The following TCF7L1 variants were observed in gnomAD, a reference collection of about 807,000 sequenced individuals.
TCF7L1 encodes transcription factor 7 like 1, also known as transcription factor 7-like 1.
A neutral mutation model predicts 63.7 loss-of-function variants in TCF7L1; 18 were observed. That is an observed-to-expected ratio of 0.28 (90% confidence interval 0.20 to 0.42). The LOEUF is 0.42. TCF7L1 is among the 10% of genes least tolerant of loss of function. The pLI is 1.00. For synonymous variants in TCF7L1, 355 were observed against 340.9 expected (o/e 1.04, Z -0.46); for missense variants, 654 against 779.3 (o/e 0.84, Z 1.91).
intron 3 of TCF7L1, among the ~76,000 whole-genome samples, chr2:85,270,540 G>C (rs1393476548): frequency 1.3e-5 from 2 of 152,192 alleles, no homozygotes; most frequent in African/African-American, 4.8e-5. Flanking sequence ...GTTAGTAGCT[G>C]CCTCAGTGTT....
intron 3 of TCF7L1, among the ~76,000 whole-genome samples, chr2:85,255,428 T>C (rs1157180230): frequency 1.3e-5 from 2 of 152,096 alleles, no homozygotes; most frequent in Non-Finnish European, 2.9e-5. Context: ...CACAAGGGAA[T>C]AGGAAAATGG....
At position 85,148,889 on chromosome 2, in the gene TCF7L1, C is replaced by T. The variant is rs779665441; in HGVS notation, c.441+14439C>T. Among the ~76,000 whole-genome samples the T allele has an allele frequency of 6.6e-5, 10 of 151,622 alleles. 1 individual carries two copies. The highest frequency in any genetic ancestry group is 5.3e-4 in the Admixed American group (8 of 15,232). On this transcript the variant is annotated intron_variant, in intron 3 of 11. Transcript: ENST00000282111. ...CCCCAGGTTCAAGCGATTCTCTCTC[C>T]TGCCTCAGCCTCCTGAGTAGATGGA... is the stretch of plus-strand genomic sequence containing the variant.
intron 3 of TCF7L1, among the ~76,000 whole-genome samples, chr2:85,261,123 G>GGGGTGTGTGTGTGTGT (rs1194613521): frequency 9.4e-6 from 1 of 106,698 alleles, no homozygotes; most frequent in Non-Finnish European, 2.2e-5. Flanking sequence ...AATTATTGCT[G>GGGGTGTGTGTGTGTGT]GTGTGTGTGT....
chr2:85,146,395 A>G (rs1488878934), intron 3 of TCF7L1, among the ~76,000 whole-genome samples: 1 of 152,082 alleles, frequency 6.6e-6, no homozygotes, highest in Non-Finnish European at 1.5e-5. Flanking sequence ...TGAAAATGCC[A>G]TTTGGGGCAA....
Position 85,309,160 on chromosome 2 carries a change from C to A in TCF7L1, c.1465C>A (p.Pro489Thr). ...CACTCCCTCTGCAGCTTTGGCCTCA[C>A]CAGCTGCCCCTGCTGCCACCCATTC... Reference protein sequence around the residue: ...PATPSAALASPAAPAATHSEQ... With the variant: ...PATPSAALASTAAPAATHSEQ... The change falls in exon 12 of 12, where the codon CCA becomes ACA. Residue 489 changes from proline to threonine, a missense_variant. Pro to Thr is a conservative substitution (Grantham distance 38). Around this residue, in one of 3 missense-constraint regions of TCF7L1, gnomAD observed 184 missense variants for 204.0 expected, o/e 0.90. Coordinates refer to ENST00000282111, the MANE Select transcript of TCF7L1 (RefSeq NM_031283.3). 1.9e-6 allele frequency: 3 copies of A among 1,614,100 alleles called. No homozygotes were observed. The highest frequency in any genetic ancestry group is 2.5e-6 in the Non-Finnish European group (3 of 1,180,018).
In TCF7L1 at chr2:85,134,393, G is replaced by A; in HGVS notation, c.384G>A (p.Pro128=). The A allele has an allele frequency of 6.4e-7, 1 of 1,571,990 alleles. No individual in the cohort carries two copies. The highest frequency in any genetic ancestry group is 1.4e-5 in the African/African-American group (1 of 73,896). The change falls in exon 3 of 12, where the codon CCG becomes CCA. Residue 128 remains proline, a synonymous_variant. Transcript: ENST00000282111. The surrounding 1 kb of genome is among the most constrained non-coding windows in gnomAD (Gnocchi z 5.0). ...PYPGYPFLMI[P]DLSSPYLSNG... ...CTGGGTACCCCTTCCTGATGATCCCGGACCTGAGCAGCCCGTACCTCTCCA... is the reference window on the plus strand; with the variant it reads ...CTGGGTACCCCTTCCTGATGATCCCAGACCTGAGCAGCCCGTACCTCTCCA...
intron 3 of TCF7L1, among the ~76,000 whole-genome samples, chr2:85,170,266 A>G (rs561656837): frequency 6.6e-6 from 1 of 152,112 alleles, no homozygotes; most frequent in Non-Finnish European, 1.5e-5. Context: ...GGTGGATTTC[A>G]TTTTCAGAAG....
chr2:85,190,539 A>T (rs931254707), intron 3 of TCF7L1, among the ~76,000 whole-genome samples: 1 of 152,140 alleles, frequency 6.6e-6, no homozygotes, highest in Non-Finnish European at 1.5e-5. Flanking sequence ...ATGGACACTT[A>T]CCATATGGCA....
intron 11 of TCF7L1, 132 bp from the exon 12 acceptor site, chr2:85,308,897 T>A (rs1285332041): frequency 9.5e-7 from 1 of 1,050,658 alleles, no homozygotes; most frequent in African/African-American, 1.6e-5. Flanking sequence ...CTTGAAAGCC[T>A]TGGAAGTAAT....
chr2:85,279,668 C>T (rs114306157), intron 3 of TCF7L1, among the ~76,000 whole-genome samples: 1,722 of 152,214 alleles, frequency 0.011, 32 homozygotes, highest in African/African-American at 0.04. Context: ...CTCCTCCCCC[C>T]GTCACTCATC....
At chr2:85,230,888 C>A (rs1318750072) in intron 3 of TCF7L1, among the ~76,000 whole-genome samples, 1 of 152,122 alleles carries the variant, frequency 6.6e-6, no homozygotes, top group Non-Finnish European at 1.5e-5. Flanking sequence ...GTGGATATCG[C>A]CTTTTAATTT....
At chr2:85,146,093 A>G (rs1677873982) in intron 3 of TCF7L1, among the ~76,000 whole-genome samples, 2 of 152,242 alleles carry the variant, frequency 1.3e-5, no homozygotes, top group African/African-American at 4.8e-5. Context: ...GATTGTTGAC[A>G]ACATGAATAT....
chr2:85,218,854 C>T (rs1263895272), intron 3 of TCF7L1, among the ~76,000 whole-genome samples: 1 of 152,070 alleles, frequency 6.6e-6, no homozygotes, highest in African/African-American at 2.4e-5. Flanking sequence ...CTGTGATGGA[C>T]GGGCATAATG....
At chr2:85,137,892 C>CAA (rs374829785) in intron 3 of TCF7L1, among the ~76,000 whole-genome samples, 29 of 67,782 alleles carry the variant, frequency 4.3e-4, no homozygotes, top group African/African-American at 1.4e-3. Context: ...GACTCTGCCT[C>CAA]AAAAAAAAAA....
chr2:85,282,167 T>C (rs1158849166), intron 3 of TCF7L1, among the ~76,000 whole-genome samples: 7 of 152,162 alleles, frequency 4.6e-5, no homozygotes, highest in Admixed American at 6.5e-5. Context: ...TTTGTTTTTT[T>C]AGTAGAGACG....
At chr2:85,308,459 C>CGCTT (rs1558663554) in intron 11 of TCF7L1, among the ~76,000 whole-genome samples, 1 of 29,246 alleles carries the variant, frequency 3.4e-5, no homozygotes, top group Non-Finnish European at 8.2e-5. Context: ...TTCCCTCCCT[C>CGCTT]TCTTTCCCTC....
At chr2:85,188,270 C>A (rs1678970750) in intron 3 of TCF7L1, among the ~76,000 whole-genome samples, 1 of 152,196 alleles carries the variant, frequency 6.6e-6, no homozygotes, top group Non-Finnish European at 1.5e-5. Flanking sequence ...CATACACACA[C>A]ACACACGAGT....
chr2:85,136,946 T>A (rs1677609172), intron 3 of TCF7L1, among the ~76,000 whole-genome samples: 1 of 152,138 alleles, frequency 6.6e-6, no homozygotes, highest in Non-Finnish European at 1.5e-5. Context: ...TTTCCCAGCC[T>A]GGTAAAATGA....
intron 3 of TCF7L1, chr2:85,262,235 A>G (rs1331910307): frequency 5.4e-6 from 3 of 551,534 alleles, no homozygotes; most frequent in Non-Finnish European, 1.1e-5. Context: ...TCTGCGATCT[A>G]TTTTGTAAGT....
Sources: gnomAD v4.1 joint callset for allele counts (sites outside exome capture counted in the v4.1 genomes callset) on GRCh38, gnomAD v4.1.1 for gene constraint, gnomAD v4.1.1 regional missense constraint, Gnocchi (gnomAD v3.1) non-coding constraint, MANE v1.5 for transcripts, NCBI Gene and HGNC (gene_info 2026-07-23, HGNC 2026-07-21) for gene names.